DNAH8: variants seen among roughly 807,000 people sequenced by gnomAD.
DNAH8 encodes the protein dynein axonemal heavy chain 8, also known as axonemal beta dynein heavy chain 8.
In DNAH8, 382 loss-of-function variants were observed where a neutral mutation model predicts 562.1. The observed-to-expected ratio is 0.68, with a 90% confidence interval of 0.63 to 0.74. The LOEUF (loss-of-function observed/expected upper bound fraction) is 0.74, where lower values mean the gene tolerates loss of function less well. Among genes scored for constraint, DNAH8 ranks in the 30% least tolerant of loss-of-function variants. The probability of loss-of-function intolerance (pLI) is 0.00; values close to 1 mark genes in which losing one functional copy is unlikely to be tolerated. For synonymous variants in DNAH8, 1,881 were observed against 1,919.4 expected (o/e 0.98, Z 0.52); for missense variants, 5,203 against 5,620.4 (o/e 0.93, Z 2.37).
chr6:38,901,963 C>T (rs1476748326), intron 62 of DNAH8, among the ~76,000 whole-genome samples: 2 of 152,118 alleles, frequency 1.3e-5, no homozygotes, highest in Admixed American at 6.5e-5. Context: ...GGTGGCAGAG[C>T]TCAGTAGCAG....
chr6:38,968,302 C>A (rs1021379078), intron 82 of DNAH8, among the ~76,000 whole-genome samples: 7 of 152,226 alleles, frequency 4.6e-5, no homozygotes, highest in Admixed American at 4.6e-4. Context: ...AATTGGACTT[C>A]ATCAAAATGT....
At chr6:38,953,802 G>C (rs945687243) in intron 82 of DNAH8, among the ~76,000 whole-genome samples, 1 of 151,406 alleles carries the variant, frequency 6.6e-6, no homozygotes, top group Non-Finnish European at 1.5e-5. Context: ...ATCATAGAAT[G>C]CTTCAGGTGA....
intron 25 of DNAH8, 70 bp from the exon 26 acceptor site, chr6:38,815,398 G>C (rs1772157109): frequency 6.3e-6 from 8 of 1,268,274 alleles, no homozygotes; most frequent in Non-Finnish European, 9.0e-6. Context: ...GTGGGGAATG[G>C]AGGTGGTGAA....
At chr6:39,016,887 T>C (rs1166186279) in intron 91 of DNAH8, among the ~76,000 whole-genome samples, 1 of 152,198 alleles carries the variant, frequency 6.6e-6, no homozygotes, top group Non-Finnish European at 1.5e-5. Context: ...TTCTGCTGTT[T>C]GTAGCACTGC....
In DNAH8 at chr6:38,717,303, G is replaced by A. The variant is rs573500544; in HGVS notation, c.-35+1888G>A. The stretch of plus-strand genomic sequence containing the variant: ...AGCAGAATGTGAATGCTTGGGGGTA[G>A]ATTCGTAGGGAATTTCAGGTCTTAT... On this transcript the variant is annotated intron_variant, in intron 1 of 92. Coordinates refer to ENST00000327475, the MANE Select transcript of DNAH8 (RefSeq NM_001206927.2). 8.5e-5 allele frequency among the ~76,000 whole-genome samples: 13 copies of A among 152,252 alleles called. No individual in the cohort carries two copies. In the South Asian group the frequency reaches 2.7e-3, roughly 32 times the overall value.
At position 38,883,423 on chromosome 6, in the gene DNAH8, CTT is replaced by C; in HGVS notation, c.8106_8107del (p.Ser2703IlefsTer13). 1 of 1,612,594 alleles carries C rather than the reference CTT, an allele frequency of 6.2e-7. No homozygotes were observed. Among genetic ancestry groups the C allele is most frequent in the South Asian group, 1.1e-5 (1 of 90,808 alleles). On this transcript the variant is annotated frameshift_variant, in exon 55 of 93. Coordinates refer to ENST00000327475, the MANE Select transcript of DNAH8 (RefSeq NM_001206927.2). LOFTEE classifies it high-confidence loss of function. ...AAGTACAGCTATCCAAAAGTCTAAA[CTT>C]TTCATCTGCCACAGAACCAATGATG... is the stretch of plus-strand genomic sequence containing the variant. ...PEVQLSKSLN[F>X]SSATEPMMFQ...
chr6:38,786,556 T>C (rs1225367311), intron 17 of DNAH8, among the ~76,000 whole-genome samples: 3 of 152,248 alleles, frequency 2.0e-5, no homozygotes, highest in Non-Finnish European at 2.9e-5. Context: ...GGATCTGATT[T>C]TGTGGCTTTG....
rs940945714 is a variant in DNAH8 at position 39,016,444 on chromosome 6, G to A, written c.13714+3807G>A. Among the ~76,000 whole-genome samples, 11 of 151,804 alleles carry A rather than the reference G, an allele frequency of 7.2e-5. No homozygotes were observed. In the South Asian group the frequency reaches 1.0e-3, roughly 14 times the overall value. On this transcript the variant is annotated intron_variant, in intron 91 of 92. Coordinates refer to ENST00000327475, the MANE Select transcript of DNAH8 (RefSeq NM_001206927.2). ...TGGGTGCCTGTAGTCCCAGCTACTC[G>A]GGAGGCTGAGGCAGGAGAATGGCGT...
intron 82 of DNAH8, among the ~76,000 whole-genome samples, chr6:38,966,655 G>T (rs183109837): frequency 2.6e-5 from 4 of 152,254 alleles, no homozygotes; most frequent in Non-Finnish European, 4.4e-5. Flanking sequence ...TTAATCCCAG[G>T]AGTATGAGAT....
intron 63 of DNAH8, 118 bp downstream of exon 63, chr6:38,906,525 G>A: frequency 2.5e-6 from 2 of 803,172 alleles, no homozygotes; most frequent in Non-Finnish European, 3.6e-6. Flanking sequence ...TTTTAGACAT[G>A]GTTAATGTAC....
At chr6:38,852,580 A>G in intron 39 of DNAH8, 114 bp from the exon 40 acceptor site, 1 of 698,098 alleles carries the variant, frequency 1.4e-6, no homozygotes, top group East Asian at 2.8e-5. Flanking sequence ...ATTTTTTGAG[A>G]CAATAAAGTA....
chr6:38,899,791 C>G lies in DNAH8; in HGVS notation c.9079C>G (p.Arg3027Gly), dbSNP rs747550558. 6 of 1,613,292 alleles carry G rather than the reference C, an allele frequency of 3.7e-6. No homozygotes were observed. The highest frequency in any genetic ancestry group is 5.1e-6 in the Non-Finnish European group (6 of 1,179,662). ...THLIKISRII[R>G]TSCGNALLVG... ...CTCAAAACAGATTTCACGAATAATT[C>G]GAACGTCGTGTGGAAATGCATTGCT... Residue 3027 changes from arginine (R) to glycine (G), a missense_variant, in exon 62 of 93, where the codon CGA (arginine) becomes GGA (glycine). By Grantham distance (125) the Arg-to-Gly change is moderately radical. Around this residue, in one of 6 missense-constraint regions of DNAH8, gnomAD observed 977 missense variants for 1,061.8 expected, o/e 0.92. Transcript: ENST00000327475.
intron 8 of DNAH8, among the ~76,000 whole-genome samples, chr6:38,747,384 CTTTTTTTT>C (rs55729629): frequency 8.8e-5 from 10 of 113,760 alleles, no homozygotes; most frequent in South Asian, 2.7e-4. Context: ...TTTTCTTTTT[CTTTTTTTT>C]TTTTTTTTTT....
chr6:38,878,873 A>G (rs982661839), intron 53 of DNAH8, among the ~76,000 whole-genome samples: 14 of 152,200 alleles, frequency 9.2e-5, no homozygotes, highest in African/African-American at 3.4e-4. Context: ...CAAAAAAATG[A>G]TAAGCATTTG....
In DNAH8 at chr6:39,012,473, T is replaced by C. The variant is rs376558712; in HGVS notation, c.13550T>C (p.Met4517Thr). 13 of 1,613,962 alleles carry C rather than the reference T, an allele frequency of 8.1e-6. No homozygotes were observed. The highest frequency in any genetic ancestry group is 1.3e-5 in the African/African-American group (1 of 74,928). The change falls in exon 91 of 93, where the codon ATG (methionine) becomes ACG (threonine). Residue 4517 changes from methionine to threonine, a missense_variant. Met to Thr is a moderately conservative substitution (Grantham distance 81). This residue lies in a region of DNAH8 where 1,399 missense variants were observed against 1,518.4 expected (regional missense o/e 0.92). Coordinates refer to ENST00000327475, the MANE Select transcript of DNAH8 (RefSeq NM_001206927.2). ...AATCTGAGAGATGCTCTGGACAACATGTATGATGCTCGTATACCTCAGCTC... is the reference window on the plus strand; with the variant it reads ...AATCTGAGAGATGCTCTGGACAACACGTATGATGCTCGTATACCTCAGCTC... The part of the protein sequence containing the change: ...SENLRDALDN[M>T]YDARIPQLWK...
chr6:38,874,602 C>G (rs1777846926), intron 52 of DNAH8, among the ~76,000 whole-genome samples: 1 of 151,912 alleles, frequency 6.6e-6, no homozygotes, highest in South Asian at 2.1e-4. Flanking sequence ...CTCCTGGACT[C>G]AAGCAGTCCT....
intron 42 of DNAH8, among the ~76,000 whole-genome samples, chr6:38,859,480 C>T (rs1033782736): frequency 5.9e-5 from 9 of 152,180 alleles, no homozygotes; most frequent in East Asian, 3.8e-4. Context: ...ATAGTAGCCA[C>T]GAGTCCATTT....
chr6:39,023,994 C>T (rs1330739984), intron 91 of DNAH8, among the ~76,000 whole-genome samples: 1 of 152,224 alleles, frequency 6.6e-6, no homozygotes, highest in Non-Finnish European at 1.5e-5. Flanking sequence ...GGGAGTGCCT[C>T]TCCCCATTAG....
At chr6:38,789,250 T>G (rs867782669) in intron 18 of DNAH8, among the ~76,000 whole-genome samples, 2 of 152,182 alleles carry the variant, frequency 1.3e-5, no homozygotes, top group African/African-American at 4.8e-5. Flanking sequence ...TGAAACAGTT[T>G]AAGATTATTA....
Sources: gnomAD v4.1 joint callset for allele counts (sites outside exome capture counted in the v4.1 genomes callset) on GRCh38, gnomAD v4.1.1 for gene constraint, gnomAD v4.1.1 regional missense constraint, MANE v1.5 for transcripts, NCBI Gene and HGNC (gene_info 2026-07-23, HGNC 2026-07-21) for gene names.